FAM135B: variants seen among roughly 807,000 people sequenced by gnomAD.
FAM135B encodes protein FAM135B.
FAM135B carries 43 observed loss-of-function variants against 127.7 expected under a neutral mutation model. The ratio of observed to expected loss-of-function variants is 0.34; its 90% confidence interval spans 0.26 to 0.43. The LOEUF (loss-of-function observed/expected upper bound fraction) is 0.43, where lower values mean the gene tolerates loss of function less well. FAM135B is among the 20% of genes least tolerant of loss of function. The pLI is 1.00. For synonymous variants in FAM135B, 670 were observed against 665.1 expected (o/e 1.01, Z -0.11); for missense variants, 1,558 against 1,725.6 (o/e 0.90, Z 1.72).
chr8:138,491,708 T>C (rs1397823579), intron 1 of FAM135B, among the ~76,000 whole-genome samples: 1 of 152,206 alleles, frequency 6.6e-6, no homozygotes, highest in Non-Finnish European at 1.5e-5. Context: ...CTACGTAATA[T>C]ATTGATAAGT....
chr8:138,455,368 T>C (rs1836717118), intron 1 of FAM135B, among the ~76,000 whole-genome samples: 1 of 152,318 alleles, frequency 6.6e-6, no homozygotes, highest in South Asian at 2.1e-4. Flanking sequence ...TTCATATTCT[T>C]CATGTTCCAA....
intron 2 of FAM135B, among the ~76,000 whole-genome samples, chr8:138,316,668 G>A (rs1449598566): frequency 2.0e-5 from 3 of 151,682 alleles, no homozygotes; most frequent in African/African-American, 7.3e-5. Context: ...TCTGGAAAAC[G>A]TTAGCTAGCT....
intron 3 of FAM135B, among the ~76,000 whole-genome samples, chr8:138,266,627 G>GTATA (rs1045833199): frequency 6.8e-6 from 1 of 147,702 alleles, no homozygotes; most frequent in Admixed American, 6.8e-5. Flanking sequence ...GTATATATGT[G>GTATA]TATATATATA....
chr8:138,268,786 CATTTTAGAGT>C (rs1481261818), intron 3 of FAM135B, among the ~76,000 whole-genome samples: 1 of 152,126 alleles, frequency 6.6e-6, no homozygotes, highest in African/African-American at 2.4e-5. Flanking sequence ...AGCCACTTTT[CATTTTAGAGT>C]ATTTTTATGT....
chr8:138,393,551 C>T (rs1037252312), intron 1 of FAM135B, among the ~76,000 whole-genome samples: 40 of 152,058 alleles, frequency 2.6e-4, no homozygotes, highest in African/African-American at 8.9e-4. Context: ...GCTTAGCTTA[C>T]GGGCTGGGGG....
At chr8:138,167,675 G>GCCTT (rs1820060669) in intron 12 of FAM135B, among the ~76,000 whole-genome samples, 1 of 152,184 alleles carries the variant, frequency 6.6e-6, no homozygotes, top group Non-Finnish European at 1.5e-5. Context: ...TCCAGAAGGA[G>GCCTT]TCAGGGAGGA....
At chr8:138,392,818 T>C (rs1165502400) in intron 1 of FAM135B, among the ~76,000 whole-genome samples, 1 of 152,180 alleles carries the variant, frequency 6.6e-6, no homozygotes, top group African/African-American at 2.4e-5. Context: ...CCAGTCTCTC[T>C]ATCCCTGTAC....
At chr8:138,452,526 C>A (rs191521022) in intron 1 of FAM135B, among the ~76,000 whole-genome samples, 1 of 152,124 alleles carries the variant, frequency 6.6e-6, no homozygotes, top group Non-Finnish European at 1.5e-5. Context: ...AAAGAAGTGG[C>A]GCGAGCTTCA....
At chr8:138,332,995 A>G (rs1828300138) in intron 2 of FAM135B, among the ~76,000 whole-genome samples, 1 of 152,020 alleles carries the variant, frequency 6.6e-6, no homozygotes, top group South Asian at 2.1e-4. Context: ...ACACACACAC[A>G]CACACACACA....
At chr8:138,451,627 G>A (rs910531292) in intron 1 of FAM135B, among the ~76,000 whole-genome samples, 1 of 152,138 alleles carries the variant, frequency 6.6e-6, no homozygotes, top group African/African-American at 2.4e-5. Context: ...CAGTACAAGG[G>A]CAACTAACTC....
At chr8:138,311,504 C>T (rs1462407646) in intron 2 of FAM135B, among the ~76,000 whole-genome samples, 1 of 152,166 alleles carries the variant, frequency 6.6e-6, no homozygotes, top group African/African-American at 2.4e-5. Context: ...CTAATGTGCC[C>T]TCTTTTGCCC....
At chr8:138,310,985 C>T (rs2130894915) in intron 2 of FAM135B, 65 bp from the exon 3 acceptor site, 1 of 1,329,738 alleles carries the variant, frequency 7.5e-7, no homozygotes, top group Non-Finnish European at 1.1e-6. Context: ...TCTAAAAATA[C>T]CTAGAATTAA....
At chr8:138,381,607 G>A (rs1587298708) in intron 1 of FAM135B, among the ~76,000 whole-genome samples, 1 of 152,222 alleles carries the variant, frequency 6.6e-6, no homozygotes, top group East Asian at 1.9e-4. Flanking sequence ...ACAAACAGGA[G>A]AAGGAATGAA....
chr8:138,492,403 C>A (rs776806335), intron 1 of FAM135B, among the ~76,000 whole-genome samples: 11 of 152,114 alleles, frequency 7.2e-5, no homozygotes, highest in Non-Finnish European at 8.8e-5. Flanking sequence ...TCCCACCTCT[C>A]ATTACCTGAA....
chr8:138,486,601 C>G (rs530379102), intron 1 of FAM135B, among the ~76,000 whole-genome samples: 3 of 152,324 alleles, frequency 2.0e-5, no homozygotes, highest in South Asian at 2.1e-4. Context: ...ACAGTGACAA[C>G]AGCCTGGGCC....
intron 4 of FAM135B, among the ~76,000 whole-genome samples, chr8:138,264,441 G>A (rs1359066915): frequency 2.0e-5 from 3 of 152,206 alleles, no homozygotes; most frequent in African/African-American, 7.2e-5. Flanking sequence ...GGGGCCTCCA[G>A]TGAGGGTGCA....
At chr8:138,344,151 G>T (rs967682727) in intron 2 of FAM135B, among the ~76,000 whole-genome samples, 6 of 152,188 alleles carry the variant, frequency 3.9e-5, no homozygotes, top group African/African-American at 1.4e-4. Context: ...TGCAGGATTT[G>T]AGGTATCTTA....
chr8:138,249,696 A>C (rs986751109), intron 6 of FAM135B, among the ~76,000 whole-genome samples: 3 of 152,200 alleles, frequency 2.0e-5, no homozygotes, highest in Admixed American at 6.5e-5. Flanking sequence ...CAGGGGCTTC[A>C]GGACAAGAAC....
At chr8:138,266,523 G>T (rs1173856293) in intron 3 of FAM135B, among the ~76,000 whole-genome samples, 1 of 151,704 alleles carries the variant, frequency 6.6e-6, no homozygotes, top group East Asian at 1.9e-4. Context: ...ACAAATGGGT[G>T]AACTCCTCCA....
Sources: gnomAD v4.1 joint callset for allele counts (sites outside exome capture counted in the v4.1 genomes callset) on GRCh38, gnomAD v4.1.1 for gene constraint, MANE v1.5 for transcripts, NCBI Gene and HGNC (gene_info 2026-07-23, HGNC 2026-07-21) for gene names.